The following RANBP17 variants were observed in gnomAD, a reference collection of about 807,000 sequenced individuals.
The protein encoded by RANBP17 is ran-binding protein 17.
Under a neutral mutation model 141.2 loss-of-function variants are expected in RANBP17, and 158 were observed. The ratio of observed to expected loss-of-function variants is 1.12; its 90% CI spans 0.98 to 1.28. The LOEUF is 1.28. RANBP17 is among the 50% of genes most tolerant of loss of function. The probability of loss-of-function intolerance (pLI) is 0.00; values close to 1 mark genes in which losing one functional copy is unlikely to be tolerated. For synonymous variants in RANBP17, 430 were observed against 450.0 expected (o/e 0.96, Z 0.56); for missense variants, 1,438 against 1,290.7 (o/e 1.11, Z -1.75).
At chr5:171,261,583 A>G (rs1356689633) in intron 24 of RANBP17, among the ~76,000 whole-genome samples, 1 of 152,218 alleles carries the variant, frequency 6.6e-6, no homozygotes, top group Non-Finnish European at 1.5e-5. Context: ...GTAGGCTATT[A>G]ATGATGCATG....
intron 14 of RANBP17, among the ~76,000 whole-genome samples, chr5:171,125,788 G>A (rs1290617098): frequency 2.6e-5 from 4 of 151,850 alleles, no homozygotes; most frequent in Admixed American, 6.6e-5. Flanking sequence ...AACAATCTCA[G>A]TAAATTTTTT....
intron 3 of RANBP17, among the ~76,000 whole-genome samples, chr5:170,883,913 T>A (rs1768934507): frequency 6.6e-6 from 1 of 152,234 alleles, no homozygotes; most frequent in South Asian, 2.1e-4. Flanking sequence ...GCTATCAACA[T>A]ACATATGTGG....
At chr5:171,096,544 G>A (rs1310834727) in intron 14 of RANBP17, among the ~76,000 whole-genome samples, 2 of 152,124 alleles carry the variant, frequency 1.3e-5, no homozygotes, top group Non-Finnish European at 2.9e-5. Flanking sequence ...AAATTTGATT[G>A]TTGTTGGCAA....
chr5:170,880,323 T>G (rs1300500501), intron 2 of RANBP17, among the ~76,000 whole-genome samples: 1 of 152,236 alleles, frequency 6.6e-6, no homozygotes, highest in Non-Finnish European at 1.5e-5. Context: ...ATCATTTGTC[T>G]TGTTTTCAAA....
chr5:171,269,760 G>C (rs957803887), intron 25 of RANBP17, among the ~76,000 whole-genome samples: 4 of 152,200 alleles, frequency 2.6e-5, no homozygotes, highest in African/African-American at 9.7e-5. Flanking sequence ...AATGAACAAG[G>C]TTGCTGCTTT....
Position 171,002,490 on chromosome 5 carries a change from A to G in RANBP17, c.1710+34113A>G, listed in dbSNP as rs962836940. Among the ~76,000 whole-genome samples, 116 of 152,174 alleles carry G rather than the reference A, an allele frequency of 7.6e-4. 2 individuals carry two copies. The highest frequency in any genetic ancestry group is 2.2e-4 in the Non-Finnish European group (15 of 68,032). On this transcript the variant is annotated intron_variant, in intron 14 of 27. Coordinates refer to ENST00000523189, the MANE Select transcript of RANBP17 (RefSeq NM_022897.5). ...TGAGAAGAGTTTTTATTAAAGAGGC[A>G]TTAATGTTGGAGGACCCTTGTGTAG... is the stretch of plus-strand genomic sequence containing the variant.
intron 14 of RANBP17, among the ~76,000 whole-genome samples, chr5:171,167,848 T>C (rs1047306726): frequency 6.6e-6 from 1 of 152,144 alleles, no homozygotes; most frequent in African/African-American, 2.4e-5. Flanking sequence ...CTATAATCAG[T>C]TACTAAATAT....
intron 14 of RANBP17, among the ~76,000 whole-genome samples, chr5:170,988,373 A>AT (rs35069928): frequency 0.051 from 7,484 of 146,672 alleles, 563 homozygotes; most frequent in African/African-American, 0.17. Flanking sequence ...TTAGTGTTTG[A>AT]TTTTTTTTTT....
chr5:171,291,276 T>C (rs1466841974), intron 25 of RANBP17, among the ~76,000 whole-genome samples: 1 of 152,186 alleles, frequency 6.6e-6, no homozygotes, highest in Non-Finnish European at 1.5e-5. Context: ...CTCAGGGTAA[T>C]GCAGTAGATA....
intron 18 of RANBP17, among the ~76,000 whole-genome samples, chr5:171,184,846 C>T (rs1002330763): frequency 6.6e-6 from 1 of 152,114 alleles, no homozygotes; most frequent in Non-Finnish European, 1.5e-5. Context: ...GATGTAGATA[C>T]AATGTACATA....
At chr5:171,099,016 C>T (rs1443316651) in intron 14 of RANBP17, among the ~76,000 whole-genome samples, 1 of 152,082 alleles carries the variant, frequency 6.6e-6, no homozygotes, top group Non-Finnish European at 1.5e-5. Flanking sequence ...GTTACAGTAG[C>T]CTTGCAGTAT....
At chr5:171,279,931 A>G (rs571022266) in intron 25 of RANBP17, among the ~76,000 whole-genome samples, 4 of 152,084 alleles carry the variant, frequency 2.6e-5, no homozygotes, top group Admixed American at 2.0e-4. Context: ...TTAACCTACT[A>G]TTTCTCTGTG....
intron 3 of RANBP17, among the ~76,000 whole-genome samples, chr5:170,884,598 G>A (rs1204374788): frequency 6.6e-6 from 1 of 152,040 alleles, no homozygotes; most frequent in Non-Finnish European, 1.5e-5. Flanking sequence ...CGGGGTGGCA[G>A]AGGCAGAGGA....
chr5:171,006,873 T>C (rs1311583799), intron 14 of RANBP17, among the ~76,000 whole-genome samples: 4 of 152,122 alleles, frequency 2.6e-5, no homozygotes, highest in Non-Finnish European at 5.9e-5. Context: ...GTATTTTCTT[T>C]AAGTTTGTCA....
At chr5:170,897,664 G>T (rs1770254163) in intron 5 of RANBP17, among the ~76,000 whole-genome samples, 2 of 150,908 alleles carry the variant, frequency 1.3e-5, no homozygotes, top group African/African-American at 4.9e-5. Context: ...TGCAGTGTTT[G>T]GTTTTCTGTT....
At chr5:171,046,120 C>T (rs1436624949) in intron 14 of RANBP17, among the ~76,000 whole-genome samples, 1 of 151,984 alleles carries the variant, frequency 6.6e-6, no homozygotes, top group African/African-American at 2.4e-5. Context: ...TTATCTGCCC[C>T]ATATGGAAAC....
intron 14 of RANBP17, among the ~76,000 whole-genome samples, chr5:171,088,927 A>C (rs1449347364): frequency 3.3e-5 from 5 of 152,034 alleles, no homozygotes; most frequent in Middle Eastern, 3.4e-3. Context: ...TGTAGCTCAG[A>C]GTAATTTGAT....
intron 14 of RANBP17, among the ~76,000 whole-genome samples, chr5:171,007,609 G>A (rs1433803414): frequency 6.6e-6 from 1 of 152,090 alleles, no homozygotes; most frequent in East Asian, 1.9e-4. Flanking sequence ...AGACTAGGGA[G>A]GGAACGAAGT....
intron 14 of RANBP17, among the ~76,000 whole-genome samples, chr5:171,013,220 C>G (rs1184780630): frequency 1.3e-5 from 2 of 152,150 alleles, no homozygotes; most frequent in Non-Finnish European, 2.9e-5. Context: ...CATCACCCAC[C>G]ATATGGCCCA....
Sources: gnomAD v4.1 joint callset for allele counts (sites outside exome capture counted in the v4.1 genomes callset) on GRCh38, gnomAD v4.1.1 for gene constraint, MANE v1.5 for transcripts, NCBI Gene and HGNC (gene_info 2026-07-23, HGNC 2026-07-21) for gene names.